MTMR7: variants seen among roughly 807,000 people sequenced by gnomAD.
MTMR7 encodes myotubularin related protein 7, also known as phosphatidylinositol-3-phosphate phosphatase MTMR7.
Under a neutral mutation model 81.2 loss-of-function variants are expected in MTMR7, and 76 were observed. The ratio of observed to expected loss-of-function variants is 0.94; its 90% confidence interval spans 0.78 to 1.13. The LOEUF (loss-of-function observed/expected upper bound fraction) is 1.13, where lower values mean the gene tolerates loss of function less well. Ranked by LOEUF, MTMR7 falls within the 50% of genes most tolerant of loss-of-function variation. The pLI, the probability that MTMR7 is intolerant of heterozygous loss-of-function variation, is 0.00. For missense variants in MTMR7, 1,044 were observed against 820.0 expected (o/e 1.27, Z -3.34); for synonymous variants, 372 against 289.8 (o/e 1.28, Z -2.88).
intron 6 of MTMR7, chr8:17,338,920 C>T (rs1012008248): frequency 6.8e-5 from 10 of 146,096 alleles, no homozygotes; most frequent in African/African-American, 2.5e-4. Flanking sequence ...ACTTCTCTCC[C>T]GCTGTGTGCT....
At chr8:17,323,136 T>C (rs1171784789) in intron 7 of MTMR7, among the ~76,000 whole-genome samples, 1 of 151,532 alleles carries the variant, frequency 6.6e-6, no homozygotes, top group Non-Finnish European at 1.5e-5. Context: ...TCAGTAGAGA[T>C]GGGGTTTCAC....
intron 1 of MTMR7, among the ~76,000 whole-genome samples, chr8:17,389,244 T>C (rs1459923627): frequency 5.3e-5 from 8 of 152,206 alleles, no homozygotes; most frequent in Admixed American, 5.2e-4. Flanking sequence ...CTCTGATCAC[T>C]ACTTGGTTTC....
intron 4 of MTMR7, among the ~76,000 whole-genome samples, chr8:17,360,207 T>C (rs1405895338): frequency 6.6e-6 from 1 of 152,182 alleles, no homozygotes; most frequent in East Asian, 1.9e-4. Flanking sequence ...GTTATATATG[T>C]TTAAATAGGT....
intron 7 of MTMR7, among the ~76,000 whole-genome samples, chr8:17,325,234 C>G (rs1818621785): frequency 6.6e-6 from 1 of 152,076 alleles, no homozygotes; most frequent in African/African-American, 2.4e-5. Flanking sequence ...GGCACCTTGG[C>G]AGGGAGACTA....
chr8:17,339,903 C>A (rs1355801537), intron 6 of MTMR7, among the ~76,000 whole-genome samples: 1 of 152,224 alleles, frequency 6.6e-6, no homozygotes, highest in African/African-American at 2.4e-5. Flanking sequence ...GAACTTCTCA[C>A]CCCACAGGAA....
chr8:17,373,040 G>A (rs1415460674), intron 2 of MTMR7, 78 bp downstream of exon 2: 1 of 1,557,960 alleles, frequency 6.4e-7, no homozygotes, highest in East Asian at 2.3e-5. Flanking sequence ...CTCACCCTGA[G>A]GAAAAATGAA....
At chr8:17,393,151 G>A (rs963775218) in intron 1 of MTMR7, among the ~76,000 whole-genome samples, 4 of 152,134 alleles carry the variant, frequency 2.6e-5, no homozygotes, top group Non-Finnish European at 5.9e-5. Context: ...TTTTCAACAA[G>A]GGTATGAAGA....
At chr8:17,314,100 C>T (rs1157978083) in intron 7 of MTMR7, among the ~76,000 whole-genome samples, 1 of 152,218 alleles carries the variant, frequency 6.6e-6, no homozygotes, top group Admixed American at 6.5e-5. Context: ...ATATTATAAA[C>T]CACCAACTTT....
chr8:17,404,383 C>T (rs76327042), intron 1 of MTMR7, among the ~76,000 whole-genome samples: 8,413 of 152,050 alleles, frequency 0.055, 301 homozygotes, highest in Non-Finnish European at 0.072. Flanking sequence ...GGAATTAGTT[C>T]AGTTTGGGAC....
At chr8:17,312,937 T>G (rs1288553184) in intron 8 of MTMR7, among the ~76,000 whole-genome samples, 1 of 152,220 alleles carries the variant, frequency 6.6e-6, no homozygotes, top group East Asian at 1.9e-4. Context: ...GCTTATGCCA[T>G]GACTAAAAAG....
chr8:17,375,329 A>G (rs1395888171), intron 1 of MTMR7, among the ~76,000 whole-genome samples: 1 of 152,110 alleles, frequency 6.6e-6, no homozygotes, highest in Admixed American at 6.5e-5. Flanking sequence ...GTTTTCAGAG[A>G]TCTACTGAGG....
intron 13 of MTMR7, among the ~76,000 whole-genome samples, chr8:17,301,493 A>C (rs1231428956): frequency 6.6e-6 from 1 of 152,182 alleles, no homozygotes; most frequent in Non-Finnish European, 1.5e-5. Context: ...AAATATTAGC[A>C]TGGAAAATAA....
At position 17,354,987 on chromosome 8, in the gene MTMR7, G is replaced by A. The variant is rs541470584; in HGVS notation, c.469-5906C>T. On this transcript the variant is annotated intron_variant, in intron 4 of 13. Transcript: ENST00000180173. Reference sequence around the variant, plus strand: ...GTTTTGCTGTTAGTTTTGTTTTGCTGTGTGTTGCTTCTGAAAAGAAATGCT... The same window carrying A: ...GTTTTGCTGTTAGTTTTGTTTTGCTATGTGTTGCTTCTGAAAAGAAATGCT... Among the ~76,000 whole-genome samples the A allele has an allele frequency of 1.1e-4, 17 of 152,278 alleles. No homozygotes were observed. The South Asian group carries it at 3.1e-3, about 28-fold the overall frequency.
At chr8:17,397,073 C>A (rs1032374231) in intron 1 of MTMR7, among the ~76,000 whole-genome samples, 6 of 152,062 alleles carry the variant, frequency 3.9e-5, no homozygotes, top group African/African-American at 1.4e-4. Flanking sequence ...AGCAGTGATA[C>A]CCAGGTAGTA....
At chr8:17,315,562 C>T (rs1818021530) in intron 7 of MTMR7, among the ~76,000 whole-genome samples, 1 of 152,156 alleles carries the variant, frequency 6.6e-6, no homozygotes, top group Non-Finnish European at 1.5e-5. Context: ...TGCATGTGTG[C>T]AGGCAGGGCT....
intron 8 of MTMR7, among the ~76,000 whole-genome samples, chr8:17,312,963 G>A (rs1586160405): frequency 6.6e-6 from 1 of 152,200 alleles, no homozygotes; most frequent in South Asian, 2.1e-4. Context: ...TCTACTGGAT[G>A]TAAGCCCCAA....
chr8:17,315,669 A>G (rs1818028059), intron 7 of MTMR7, among the ~76,000 whole-genome samples: 1 of 152,206 alleles, frequency 6.6e-6, no homozygotes, highest in Non-Finnish European at 1.5e-5. Context: ...TGTAACAGAC[A>G]TCCAGATTGG....
At chr8:17,350,773 G>A (rs1338316781) in intron 4 of MTMR7, among the ~76,000 whole-genome samples, 2 of 152,192 alleles carry the variant, frequency 1.3e-5, no homozygotes, top group African/African-American at 4.8e-5. Flanking sequence ...TTTGTTAGCA[G>A]AATAGAAAAC....
At chr8:17,370,655 C>A (rs117841097) in intron 3 of MTMR7, among the ~76,000 whole-genome samples, 2 of 149,754 alleles carry the variant, frequency 1.3e-5, no homozygotes, top group Non-Finnish European at 3.0e-5. Context: ...TGCGCTAGAA[C>A]TGTCTGATAA....
Sources: gnomAD v4.1 joint callset for allele counts (sites outside exome capture counted in the v4.1 genomes callset) on GRCh38, gnomAD v4.1.1 for gene constraint, MANE v1.5 for transcripts, NCBI Gene and HGNC (gene_info 2026-07-23, HGNC 2026-07-21) for gene names.